ATP8A2: variants seen among roughly 807,000 people sequenced by gnomAD.
ATP8A2 encodes phospholipid-transporting ATPase IB.
ATP8A2 carries 100 observed loss-of-function variants against 165.6 expected under a neutral mutation model. The ratio of observed to expected loss-of-function variants is 0.60; its 90% confidence interval spans 0.51 to 0.71. ATP8A2 has a LOEUF of 0.71. ATP8A2 is among the 30% of genes least tolerant of loss of function. The pLI is 0.00. For synonymous variants in ATP8A2, 543 were observed against 548.8 expected, an observed-to-expected ratio of 0.99 and a Z score of 0.15; for missense variants, 1,227 against 1,479.5, an observed-to-expected ratio of 0.83 and a Z score of 2.80.
chr13:25,490,133 CA>C (rs2036477851), intron 2 of ATP8A2, among the ~76,000 whole-genome samples: 2 of 152,218 alleles, frequency 1.3e-5, no homozygotes, highest in African/African-American at 4.8e-5. Context: ...GTAGAGAACA[CA>C]CATGTTGAAT....
intron 24 of ATP8A2, among the ~76,000 whole-genome samples, chr13:25,665,663 A>G (rs191744445): frequency 1.3e-5 from 2 of 151,614 alleles, no homozygotes; most frequent in Admixed American, 6.5e-5. Context: ...CCATGGATGC[A>G]TGTAACAAGC....
rs1216953741 is a variant in ATP8A2 at position 25,837,168 on chromosome 13, C to T, written c.2760C>T (p.Phe920=). The T allele has an allele frequency of 1.2e-6, 2 of 1,613,594 alleles. No homozygotes were observed. The highest frequency in any genetic ancestry group is 2.7e-5 in the African/African-American group (2 of 74,882). The part of the protein sequence containing the change: ...RWCIGLYNVI[F]TALPPFTLGI... ...GCTCATTGTTCTCCCTGCAGATTTTCACCGCTTTGCCGCCCTTCACTCTGG... is the reference window on the plus strand; with the variant it reads ...GCTCATTGTTCTCCCTGCAGATTTTTACCGCTTTGCCGCCCTTCACTCTGG... Residue 920 remains phenylalanine, a synonymous_variant, in exon 29 of 37, where the codon TTC becomes TTT. Coordinates refer to ENST00000381655, the MANE Select transcript of ATP8A2 (RefSeq NM_016529.6).
chr13:25,613,491 T>C (rs1272337849), intron 24 of ATP8A2, among the ~76,000 whole-genome samples: 1 of 152,094 alleles, frequency 6.6e-6, no homozygotes, highest in African/African-American at 2.4e-5. Context: ...GGAGAATTGC[T>C]TGAAGCTGGG....
chr13:25,839,761 G>A (rs765134361), intron 30 of ATP8A2, 137 bp downstream of exon 30: 6 of 704,968 alleles, frequency 8.5e-6, no homozygotes, highest in Non-Finnish European at 1.5e-5. Context: ...CATACCTAAA[G>A]CATAATGAGA....
intron 2 of ATP8A2, among the ~76,000 whole-genome samples, chr13:25,481,193 C>G (rs61948566): frequency 0.098 from 14,315 of 145,530 alleles, 1,231 homozygotes; most frequent in African/African-American, 0.24. Flanking sequence ...GGGAGAGGGA[C>G]AGGGAGAGGA....
intron 24 of ATP8A2, among the ~76,000 whole-genome samples, chr13:25,682,920 T>C (rs2042523873): frequency 6.6e-6 from 1 of 152,186 alleles, no homozygotes; most frequent in Non-Finnish European, 1.5e-5. Context: ...TTACACCTAA[T>C]AGGCTTGCTT....
chr13:25,684,084 C>G (rs1011542600), intron 24 of ATP8A2, among the ~76,000 whole-genome samples: 3 of 152,110 alleles, frequency 2.0e-5, no homozygotes, highest in Non-Finnish European at 4.4e-5. Context: ...AAATTTCTAA[C>G]GAATAAGATA....
intron 25 of ATP8A2, among the ~76,000 whole-genome samples, chr13:25,713,795 T>G (rs1475182): frequency 0.28 from 27,008 of 95,224 alleles, 2,986 homozygotes; most frequent in East Asian, 0.38. Flanking sequence ...CCTGGGGAGC[T>G]AGCAGCTCCC....
At chr13:26,001,839 A>G (rs1001172947) in intron 35 of ATP8A2, among the ~76,000 whole-genome samples, 7 of 152,156 alleles carry the variant, frequency 4.6e-5, no homozygotes, top group African/African-American at 7.2e-5. Flanking sequence ...TTCCTTGATA[A>G]TGACCTTTGA....
At chr13:25,735,341 C>A (rs925881302) in intron 25 of ATP8A2, among the ~76,000 whole-genome samples, 1 of 152,020 alleles carries the variant, frequency 6.6e-6, no homozygotes, top group Non-Finnish European at 1.5e-5. Context: ...CTCACTGCAG[C>A]CTTGACCTCC....
chr13:25,518,979 A>AGT (rs1490029907), intron 2 of ATP8A2, among the ~76,000 whole-genome samples: 1 of 152,196 alleles, frequency 6.6e-6, no homozygotes, highest in Non-Finnish European at 1.5e-5. Flanking sequence ...GAAAAAGGCC[A>AGT]GTGTGTCAAC....
intron 33 of ATP8A2, among the ~76,000 whole-genome samples, chr13:25,865,680 T>C (rs1176981851): frequency 1.3e-5 from 2 of 152,170 alleles, no homozygotes. Context: ...CCTCATGACA[T>C]GGTATGTGAA....
intron 9 of ATP8A2, 100 bp from the exon 10 acceptor site, chr13:25,543,191 A>G (rs2038538479): frequency 1.4e-6 from 1 of 696,004 alleles, no homozygotes; most frequent in South Asian, 2.3e-5. Context: ...AAATTGGAGG[A>G]AAGGGAACAT....
At position 25,894,046 on chromosome 13, in the gene ATP8A2, C is replaced by G. The variant is rs200375366; in HGVS notation, c.3183+31638C>G. ...GAAGCTCTTTAGTTTAATTAGATCCCATTTGTCAACTTTGGCTTTTGTTAC... is the reference window on the plus strand; with the variant it reads ...GAAGCTCTTTAGTTTAATTAGATCCGATTTGTCAACTTTGGCTTTTGTTAC... On this transcript the variant is annotated intron_variant, in intron 33 of 36. Coordinates refer to ENST00000381655, the MANE Select transcript of ATP8A2 (RefSeq NM_016529.6). 6.6e-5 allele frequency among the ~76,000 whole-genome samples: 10 copies of G among 152,286 alleles called. No individual in the cohort carries two copies. The East Asian group carries it at 1.9e-3, about 29-fold the overall frequency.
At chr13:25,763,959 A>G (rs996689780) in intron 25 of ATP8A2, among the ~76,000 whole-genome samples, 2 of 152,232 alleles carry the variant, frequency 1.3e-5, no homozygotes, top group Admixed American at 6.5e-5. Flanking sequence ...TAATTAAGCT[A>G]TGAGATTTTT....
At chr13:25,848,100 T>C (rs1951912843) in intron 30 of ATP8A2, among the ~76,000 whole-genome samples, 1 of 152,258 alleles carries the variant, frequency 6.6e-6, no homozygotes, top group Admixed American at 6.5e-5. Context: ...TCCAACCTCC[T>C]GAGCTCCGTG....
intron 33 of ATP8A2, among the ~76,000 whole-genome samples, chr13:25,891,312 T>C (rs1407523536): frequency 6.7e-6 from 1 of 149,132 alleles, no homozygotes; most frequent in African/African-American, 2.4e-5. Context: ...TTGTTAGACC[T>C]GAGCCTTTTG....
chr13:25,502,030 AT>A (rs1022857785), intron 2 of ATP8A2, among the ~76,000 whole-genome samples: 1 of 152,262 alleles, frequency 6.6e-6, no homozygotes, highest in Admixed American at 6.5e-5. Context: ...TTGTGAATTT[AT>A]TAACAATGCA....
rs569767815 is a variant in ATP8A2 at position 25,714,990 on chromosome 13, T to C, written c.2384+15645T>C. Among the ~76,000 whole-genome samples the C allele has an allele frequency of 2.0e-5, 3 of 152,344 alleles. No homozygotes were observed. In the East Asian group the frequency reaches 5.8e-4, roughly 29 times the overall value. ...CACTAGAAATAGAAAAAAATATGTATGAAGAAGTTTGGATAAATGCTTCAT... is the reference window on the plus strand; with the variant it reads ...CACTAGAAATAGAAAAAAATATGTACGAAGAAGTTTGGATAAATGCTTCAT... On this transcript the variant is annotated intron_variant, in intron 25 of 36. Transcript: ENST00000381655.
Sources: allele counts gnomAD v4.1 joint callset (sites outside exome capture counted in the v4.1 genomes callset), GRCh38; gene constraint gnomAD v4.1.1; transcripts MANE v1.5; gene names NCBI Gene and HGNC (gene_info 2026-07-23, HGNC 2026-07-21).